DPP10: variants seen among roughly 807,000 people sequenced by gnomAD.
The protein encoded by DPP10 is dipeptidyl peptidase like 10.
DPP10 carries 33 observed loss-of-function variants against 120.9 expected under a neutral mutation model. That is an observed-to-expected ratio of 0.27 (90% CI 0.21 to 0.37). The LOEUF (loss-of-function observed/expected upper bound fraction) is 0.37. DPP10 is among the 10% of genes least tolerant of loss of function. The pLI is 1.00. For synonymous variants in DPP10, 337 were observed against 326.1 expected, an observed-to-expected ratio of 1.03 and a Z score of -0.36; for missense variants, 816 against 942.8, an observed-to-expected ratio of 0.87 and a Z score of 1.76.
intron 1 of DPP10, among the ~76,000 whole-genome samples, chr2:115,218,381 CG>C (rs1448461745): frequency 2.0e-5 from 3 of 151,998 alleles, no homozygotes; most frequent in Admixed American, 6.6e-5. Context: ...AAAGTTCTGC[CG>C]GATCCTTATA....
intron 1 of DPP10, among the ~76,000 whole-genome samples, chr2:115,181,515 T>C (rs1240278802): frequency 6.6e-6 from 1 of 152,180 alleles, no homozygotes; most frequent in Non-Finnish European, 1.5e-5. Context: ...TTTCTCCACA[T>C]GGGTAGTTTG....
chr2:115,387,091 C>T (rs2066995579), intron 3 of DPP10, among the ~76,000 whole-genome samples: 1 of 152,096 alleles, frequency 6.6e-6, no homozygotes, highest in South Asian at 2.1e-4. Flanking sequence ...GAGATCTCTG[C>T]AGGTCCTGGG....
intron 1 of DPP10, among the ~76,000 whole-genome samples, chr2:115,027,930 G>A (rs146369999): frequency 3.9e-5 from 6 of 151,970 alleles, no homozygotes; most frequent in African/African-American, 1.2e-4. Flanking sequence ...ACGATTCTTT[G>A]TATTTCTGTA....
intron 1 of DPP10, among the ~76,000 whole-genome samples, chr2:114,800,793 T>C (rs569773860): frequency 6.6e-6 from 1 of 152,188 alleles, no homozygotes; most frequent in Non-Finnish European, 1.5e-5. Context: ...ACCCAGGTCT[T>C]ATGTGATCCT....
chr2:115,380,164 T>C (rs948568514), intron 3 of DPP10, among the ~76,000 whole-genome samples: 2 of 152,108 alleles, frequency 1.3e-5, no homozygotes, highest in African/African-American at 2.4e-5. Context: ...TTAAAGTCTC[T>C]CATTATTAAT....
chr2:114,801,108 A>G (rs545947777), intron 1 of DPP10, among the ~76,000 whole-genome samples: 1 of 151,810 alleles, frequency 6.6e-6, no homozygotes, highest in Non-Finnish European at 1.5e-5. Context: ...CTAAAAATAC[A>G]AAAAATTAGC....
intron 12 of DPP10, among the ~76,000 whole-genome samples, chr2:115,767,471 A>ATC (rs550141969): frequency 0.29 from 11,882 of 41,344 alleles, 631 homozygotes; most frequent in Non-Finnish European, 0.4. Flanking sequence ...CTACATACAT[A>ATC]TATGTGTGTG....
chr2:115,349,118 T>C (rs2063862630), intron 3 of DPP10, among the ~76,000 whole-genome samples: 1 of 152,150 alleles, frequency 6.6e-6, no homozygotes, highest in South Asian at 2.1e-4. Flanking sequence ...TTCACATTTC[T>C]TTTGCAAAAT....
At chr2:115,374,046 C>T (rs533264627) in intron 3 of DPP10, among the ~76,000 whole-genome samples, 2 of 152,186 alleles carry the variant, frequency 1.3e-5, no homozygotes, top group Non-Finnish European at 2.9e-5. Context: ...ATGGAGATTA[C>T]AATTCAACAT....
At chr2:115,614,677 G>T (rs1388725207) in intron 5 of DPP10, among the ~76,000 whole-genome samples, 1 of 152,126 alleles carries the variant, frequency 6.6e-6, no homozygotes, top group African/African-American at 2.4e-5. Flanking sequence ...CTCCCACCTC[G>T]GCCAGGCGTA....
At chr2:115,321,608 A>G (rs926071921) in intron 2 of DPP10, among the ~76,000 whole-genome samples, 1 of 134,738 alleles carries the variant, frequency 7.4e-6, no homozygotes, top group African/African-American at 2.7e-5. Context: ...TCATTTGTTT[A>G]AATACTCTTT....
At chr2:115,429,445 T>G (rs2070773326) in intron 3 of DPP10, among the ~76,000 whole-genome samples, 1 of 152,138 alleles carries the variant, frequency 6.6e-6, no homozygotes, top group South Asian at 2.1e-4. Context: ...TAATGAGGTT[T>G]AAAAATATAT....
intron 3 of DPP10, chr2:115,468,864 G>A: frequency 2.4e-6 from 1 of 409,600 alleles, no homozygotes; most frequent in Non-Finnish European, 4.7e-6. Context: ...ACTCAAGACT[G>A]CCACAGAAGA....
At chr2:114,737,991 G>A (rs1574074140) in intron 1 of DPP10, among the ~76,000 whole-genome samples, 2 of 152,290 alleles carry the variant, frequency 1.3e-5, no homozygotes, top group African/African-American at 4.8e-5. Context: ...GTATGGCTGG[G>A]AAGCCTTAGG....
At chr2:115,786,470 T>A (rs982387305) in intron 17 of DPP10, among the ~76,000 whole-genome samples, 1 of 152,000 alleles carries the variant, frequency 6.6e-6, no homozygotes, top group African/African-American at 2.4e-5. Flanking sequence ...GGCCATGGAG[T>A]AACTGGAAAT....
chr2:115,835,367 G>T (rs968652659), intron 21 of DPP10, among the ~76,000 whole-genome samples: 2 of 152,142 alleles, frequency 1.3e-5, no homozygotes, highest in African/African-American at 4.8e-5. Context: ...AGTTTGTCAC[G>T]CATAGTGAAG....
At chr2:115,696,141 G>A (rs752673434) in intron 7 of DPP10, among the ~76,000 whole-genome samples, 2 of 152,068 alleles carry the variant, frequency 1.3e-5, no homozygotes, top group Non-Finnish European at 2.9e-5. Flanking sequence ...GGCAACATAA[G>A]GATTATGGGA....
At chr2:115,137,696 A>G (rs1427231065) in intron 1 of DPP10, among the ~76,000 whole-genome samples, 5 of 152,186 alleles carry the variant, frequency 3.3e-5, no homozygotes, top group African/African-American at 9.6e-5. Flanking sequence ...TCATTCCCCA[A>G]TGGGAGAAAT....
chr2:115,563,158 T>A (rs922124138), intron 5 of DPP10, among the ~76,000 whole-genome samples: 1 of 152,206 alleles, frequency 6.6e-6, no homozygotes, highest in Non-Finnish European at 1.5e-5. Flanking sequence ...CCAAGTGCAC[T>A]GTGACATTAT....
Sources: gnomAD v4.1 joint callset for allele counts (sites outside exome capture counted in the v4.1 genomes callset) on GRCh38, gnomAD v4.1.1 for gene constraint, MANE v1.5 for transcripts, NCBI Gene and HGNC (gene_info 2026-07-23, HGNC 2026-07-21) for gene names.